Variants in ADAMTSL1 observed in about 807,000 individuals in gnomAD.
ADAMTSL1 encodes the protein ADAMTS-like protein 1.
In ADAMTSL1, 126 loss-of-function variants were observed where a neutral mutation model predicts 201.8. The observed-to-expected ratio is 0.62, with a 90% CI of 0.54 to 0.72. The LOEUF (loss-of-function observed/expected upper bound fraction) is 0.72. ADAMTSL1 is among the 30% of genes least tolerant of loss of function. The probability of loss-of-function intolerance (pLI) is 0.00; values close to 1 mark genes in which losing one functional copy is unlikely to be tolerated. For missense variants in ADAMTSL1, 2,679 were observed against 2,277.8 expected (o/e 1.18, Z -3.59); for synonymous variants, 1,121 against 903.4 (o/e 1.24, Z -4.32).
rs1343019709 is a variant in ADAMTSL1, at chr9:18,887,815, T to C, written c.4250-16T>C. 3.7e-6 allele frequency: 6 copies of C among 1,609,128 alleles called. No individual in the cohort carries two copies. In the Admixed American group the frequency reaches 8.4e-5, roughly 22 times the overall value. ...TATGGCTTTACTAAGGCTTACTTCT[T>C]TTCCTCTCCTTCTAGGCTGCCCCAT... On this transcript the variant is annotated splice_polypyrimidine_tract_variant and intron_variant, in intron 23 of 28. Coordinates refer to ENST00000380548, the MANE Select transcript of ADAMTSL1 (RefSeq NM_001040272.6).
chr9:17,992,091 G>A (rs553047318), intron 1 of ADAMTSL1, among the ~76,000 whole-genome samples: 24 of 152,176 alleles, frequency 1.6e-4, no homozygotes, highest in Non-Finnish European at 1.5e-4. Flanking sequence ...TGGGTGTGAC[G>A]CTCCACTTTC....
chr9:18,164,750 C>T (rs1206775549), intron 2 of ADAMTSL1, among the ~76,000 whole-genome samples: 1 of 151,676 alleles, frequency 6.6e-6, no homozygotes. Flanking sequence ...TCTTAGAATA[C>T]CCCCAAAACA....
chr9:18,249,192 G>T (rs974197633), intron 2 of ADAMTSL1, among the ~76,000 whole-genome samples: 1 of 152,162 alleles, frequency 6.6e-6, no homozygotes, highest in African/African-American at 2.4e-5. Context: ...GGAATAGCAA[G>T]TTGTCAGTAA....
At chr9:18,158,021 C>T (rs1219296470) in intron 1 of ADAMTSL1, among the ~76,000 whole-genome samples, 18 of 151,968 alleles carry the variant, frequency 1.2e-4, no homozygotes, top group Admixed American at 1.1e-3. Flanking sequence ...AAAATACTCA[C>T]AGAGGTAAAC....
intron 2 of ADAMTSL1, among the ~76,000 whole-genome samples, chr9:18,209,277 A>G (rs920855201): frequency 1.3e-5 from 2 of 151,648 alleles, no homozygotes; most frequent in Non-Finnish European, 3.0e-5. Context: ...GAAAGAACCC[A>G]TTTGGGTTTA....
At chr9:18,761,782 T>C (rs1027654291) in intron 16 of ADAMTSL1, among the ~76,000 whole-genome samples, 8 of 152,192 alleles carry the variant, frequency 5.3e-5, no homozygotes, top group Admixed American at 2.6e-4. Flanking sequence ...TTTCTAAAAA[T>C]GCCTTTCATC....
intron 2 of ADAMTSL1, among the ~76,000 whole-genome samples, chr9:18,413,146 AT>A (rs11367468): frequency 0.22 from 29,323 of 131,624 alleles, 2,953 homozygotes; most frequent in Non-Finnish European, 0.29. Context: ...TCTAAGGATA[AT>A]TTTTTTTTTT....
intron 4 of ADAMTSL1, among the ~76,000 whole-genome samples, chr9:18,585,788 G>C (rs1466685689): frequency 1.3e-5 from 2 of 152,140 alleles, no homozygotes; most frequent in African/African-American, 2.4e-5. Flanking sequence ...AGAGATGCAA[G>C]GTTGATTCAA....
chr9:18,745,549 T>C (rs1819091752), intron 15 of ADAMTSL1, among the ~76,000 whole-genome samples: 1 of 152,174 alleles, frequency 6.6e-6, no homozygotes, highest in Non-Finnish European at 1.5e-5. Flanking sequence ...TTCCTTTTAA[T>C]GGAGAATGGT....
intron 1 of ADAMTSL1, among the ~76,000 whole-genome samples, chr9:18,483,824 C>G (rs1180578163): frequency 6.6e-6 from 1 of 152,076 alleles, no homozygotes; most frequent in Non-Finnish European, 1.5e-5. Context: ...AAGACTCTGT[C>G]TCTGAAAAAA....
chr9:18,308,522 C>A (rs1833996319), intron 2 of ADAMTSL1, among the ~76,000 whole-genome samples: 1 of 152,096 alleles, frequency 6.6e-6, no homozygotes, highest in African/African-American at 2.4e-5. Context: ...ACCGATCACA[C>A]AGAAATACAA....
At chr9:18,614,904 G>A (rs373057666) in intron 4 of ADAMTSL1, among the ~76,000 whole-genome samples, 6 of 151,446 alleles carry the variant, frequency 4.0e-5, no homozygotes, top group South Asian at 4.2e-4. Context: ...TTTTTCCTAT[G>A]GGCCTTGTGT....
chr9:17,958,527 C>T (rs1488398493), intron 1 of ADAMTSL1, among the ~76,000 whole-genome samples: 1 of 152,124 alleles, frequency 6.6e-6, no homozygotes, highest in Non-Finnish European at 1.5e-5. Flanking sequence ...TTGCTTATCC[C>T]TAGATGAGGA....
At chr9:18,852,426 A>C (rs1197384705) in intron 23 of ADAMTSL1, among the ~76,000 whole-genome samples, 1 of 152,200 alleles carries the variant, frequency 6.6e-6, no homozygotes, top group East Asian at 1.9e-4. Context: ...GGCCACTGGA[A>C]GTGGAAAAAT....
At chr9:18,151,941 G>T (rs982589370) in intron 1 of ADAMTSL1, among the ~76,000 whole-genome samples, 2 of 152,026 alleles carry the variant, frequency 1.3e-5, no homozygotes, top group South Asian at 2.1e-4. Flanking sequence ...CAGTCAAGGT[G>T]GAAATACTAA....
At chr9:17,932,328 C>T (rs558048645) in intron 1 of ADAMTSL1, among the ~76,000 whole-genome samples, 30 of 152,208 alleles carry the variant, frequency 2.0e-4, no homozygotes, top group African/African-American at 6.3e-4. Flanking sequence ...AAGAGGGTCC[C>T]GGGTATGGAG....
chr9:18,018,976 A>C (rs965036525), intron 1 of ADAMTSL1, among the ~76,000 whole-genome samples: 1 of 152,086 alleles, frequency 6.6e-6, no homozygotes, highest in Non-Finnish European at 1.5e-5. Flanking sequence ...TTTTAGGAGA[A>C]TGTTAATAAA....
At chr9:18,586,010 T>A (rs1173898512) in intron 4 of ADAMTSL1, among the ~76,000 whole-genome samples, 1 of 152,088 alleles carries the variant, frequency 6.6e-6, no homozygotes, top group East Asian at 1.9e-4. Flanking sequence ...GCCAGAAAAT[T>A]CCCTTTTAAA....
intron 2 of ADAMTSL1, among the ~76,000 whole-genome samples, chr9:18,416,156 C>T (rs1350599482): frequency 6.6e-6 from 1 of 152,012 alleles, no homozygotes; most frequent in Non-Finnish European, 1.5e-5. Context: ...ATACAAAATA[C>T]TTTCTCTCAT....
Sources: allele counts gnomAD v4.1 joint callset (sites outside exome capture counted in the v4.1 genomes callset), GRCh38; gene constraint gnomAD v4.1.1; transcripts MANE v1.5; gene names NCBI Gene and HGNC (gene_info 2026-07-23, HGNC 2026-07-21).